Variants in CALCR observed in about 807,000 individuals in gnomAD.
The protein encoded by CALCR is calcitonin receptor.
A neutral mutation model predicts 59.5 loss-of-function variants in CALCR; 47 were observed. That is an observed-to-expected ratio of 0.79 (90% CI 0.63 to 1.01). The LOEUF is 1.01. Ranked by LOEUF, CALCR falls within the 50% of genes least tolerant of loss-of-function variation. The probability of loss-of-function intolerance (pLI) is 0.00; values close to 1 mark genes in which losing one functional copy is unlikely to be tolerated. For missense variants in CALCR, 566 were observed against 597.1 expected, an observed-to-expected ratio of 0.95 and a Z score of 0.54; for synonymous variants, 213 against 211.3, an observed-to-expected ratio of 1.01 and a Z score of -0.07.
chr7:93,432,613 C>A (rs1344982235), intron 13 of CALCR, among the ~76,000 whole-genome samples: 1 of 152,136 alleles, frequency 6.6e-6, no homozygotes, highest in African/African-American at 2.4e-5. Flanking sequence ...TGCTAGGGTA[C>A]CCCTGGGTTT....
chr7:93,437,583 A>C (rs1799806449), intron 11 of CALCR, among the ~76,000 whole-genome samples: 1 of 152,206 alleles, frequency 6.6e-6, no homozygotes, highest in Non-Finnish European at 1.5e-5. Flanking sequence ...TAGCATCCTC[A>C]GTAAGCATCT....
At chr7:93,451,930 T>G (rs980536170) in intron 8 of CALCR, among the ~76,000 whole-genome samples, 1 of 151,948 alleles carries the variant, frequency 6.6e-6, no homozygotes, top group Non-Finnish European at 1.5e-5. Context: ...CAGGAAAACA[T>G]GTATCACATG....
chr7:93,551,395 G>A (rs531981195), intron 2 of CALCR, among the ~76,000 whole-genome samples: 194 of 152,278 alleles, frequency 1.3e-3, no homozygotes, highest in African/African-American at 4.4e-3. Context: ...TTTGACAAGC[G>A]ATGTCCCTAT....
rs575652151 is a variant in CALCR at position 93,534,059 on chromosome 7, G to T, written c.-27+40230C>A. ...AATTTTGAAAATACCACTATAAAAAGAATGATCTAAAGTAGAAACATGACT... is the reference window on the plus strand; with the variant it reads ...AATTTTGAAAATACCACTATAAAAATAATGATCTAAAGTAGAAACATGACT... On this transcript the variant is annotated intron_variant, in intron 2 of 13. Transcript: ENST00000426151. 2.7e-4 allele frequency among the ~76,000 whole-genome samples: 41 copies of T among 151,746 alleles called. No homozygotes were observed. In the Middle Eastern group the frequency reaches 0.02, roughly 76 times the overall value.
Position 93,438,677 on chromosome 7 carries a change from T to G in CALCR, c.803-407A>C, listed in dbSNP as rs931761651. Among the ~76,000 whole-genome samples the G allele has an allele frequency of 2.0e-5, 3 of 152,190 alleles. No individual in the cohort carries two copies. In the East Asian group the frequency reaches 5.8e-4, roughly 29 times the overall value. ...GAGGGATGTGACCTGGGACGGTGTATGAAAGCAATAGTCTGATTGCTCCTA... is the reference window on the plus strand; with the variant it reads ...GAGGGATGTGACCTGGGACGGTGTAGGAAAGCAATAGTCTGATTGCTCCTA... On this transcript the variant is annotated intron_variant, in intron 9 of 13. Coordinates refer to ENST00000426151, the MANE Select transcript of CALCR (RefSeq NM_001742.4).
chr7:93,486,568 A>G (rs1461970001), intron 3 of CALCR, among the ~76,000 whole-genome samples: 1 of 151,574 alleles, frequency 6.6e-6, no homozygotes, highest in Admixed American at 6.6e-5. Context: ...CATTCAAATC[A>G]TAGTTTTGAA....
chr7:93,500,451 C>T (rs929990439), intron 2 of CALCR, among the ~76,000 whole-genome samples: 1 of 151,986 alleles, frequency 6.6e-6, no homozygotes, highest in African/African-American at 2.4e-5. Flanking sequence ...ACTGCAACAT[C>T]CACCAATTAG....
intron 12 of CALCR, among the ~76,000 whole-genome samples, chr7:93,435,134 C>T (rs1306026986): frequency 1.3e-5 from 2 of 152,126 alleles, no homozygotes; most frequent in African/African-American, 4.8e-5. Flanking sequence ...AGACACTGGA[C>T]AGCCCAGGAC....
chr7:93,461,392 G>C (rs1800333611), intron 7 of CALCR, among the ~76,000 whole-genome samples: 1 of 152,108 alleles, frequency 6.6e-6, no homozygotes, highest in Non-Finnish European at 1.5e-5. Flanking sequence ...CCTGTGACAA[G>C]GTACTGAATC....
At chr7:93,513,710 A>G (rs1309114180) in intron 2 of CALCR, among the ~76,000 whole-genome samples, 4 of 152,046 alleles carry the variant, frequency 2.6e-5, no homozygotes, top group African/African-American at 9.7e-5. Flanking sequence ...CCCCTCTTGC[A>G]GTGTTAATGT....
intron 2 of CALCR, among the ~76,000 whole-genome samples, chr7:93,536,675 C>T (rs1788999186): frequency 6.6e-6 from 1 of 151,820 alleles, no homozygotes; most frequent in African/African-American, 2.4e-5. Context: ...AGGTATATCT[C>T]CTAATGCTAT....
intron 8 of CALCR, 96 bp downstream of exon 8, chr7:93,460,725 A>T: frequency 1.1e-6 from 1 of 881,382 alleles, no homozygotes; most frequent in African/African-American, 1.8e-5. Context: ...TACACATGTA[A>T]ACAGCTGCTT....
chr7:93,515,839 T>C (rs1801639359), intron 2 of CALCR, among the ~76,000 whole-genome samples: 1 of 151,934 alleles, frequency 6.6e-6, no homozygotes. Flanking sequence ...GAATGCGAAG[T>C]TTTAGGTTGC....
chr7:93,548,304 C>T (rs989022680), intron 2 of CALCR, among the ~76,000 whole-genome samples: 2 of 152,100 alleles, frequency 1.3e-5, no homozygotes, highest in African/African-American at 4.8e-5. Flanking sequence ...GACTTGTTGG[C>T]AAAGCGAATG....
chr7:93,544,258 T>TA (rs1349037462), intron 2 of CALCR, among the ~76,000 whole-genome samples: 1 of 152,106 alleles, frequency 6.6e-6, no homozygotes, highest in African/African-American at 2.4e-5. Flanking sequence ...GAAGAAGGGT[T>TA]AAAAAATTAA....
rs1330192416 is a variant in CALCR at position 93,426,328 on chromosome 7, T to C, written c.*28A>G. On this transcript the variant is annotated 3_prime_UTR_variant, in exon 14 of 14. Coordinates refer to ENST00000426151, the MANE Select transcript of CALCR (RefSeq NM_001742.4). The stretch of plus-strand genomic sequence containing the variant: ...TTTCTCCCAGGAAATGATGGCTCAG[T>C]GATCACGATGCTGTGTTTGCTTCAC... 8.0e-7 allele frequency: 1 copy of C among 1,257,246 alleles called. No individual in the cohort carries two copies. The highest frequency in any genetic ancestry group is 1.7e-5 in the Admixed American group (1 of 59,362). The allele number at this position is 1,257,246 out of a possible 1,614,324, so 77.9% of individuals were successfully genotyped here. A position where few individuals can be genotyped will look rare whatever the true frequency, so the allele number is the denominator to read the frequency against.
chr7:93,560,826 G>A (rs1049945497), intron 2 of CALCR, among the ~76,000 whole-genome samples: 5 of 152,072 alleles, frequency 3.3e-5, no homozygotes, highest in Non-Finnish European at 5.9e-5. Context: ...GAAGCTTGGG[G>A]GATGCAGATA....
intron 2 of CALCR, among the ~76,000 whole-genome samples, chr7:93,502,240 T>C (rs1029171016): frequency 6.6e-6 from 1 of 152,070 alleles, no homozygotes; most frequent in Non-Finnish European, 1.5e-5. Flanking sequence ...GAAATGCAAA[T>C]AGGCATTTAA....
chr7:93,449,798 A>G (rs1800074850), intron 8 of CALCR, among the ~76,000 whole-genome samples: 1 of 152,062 alleles, frequency 6.6e-6, no homozygotes, highest in African/African-American at 2.4e-5. Context: ...GCTGACATCA[A>G]TAGAAAACTT....
Sources: allele counts gnomAD v4.1 joint callset (sites outside exome capture counted in the v4.1 genomes callset), GRCh38; gene constraint gnomAD v4.1.1; transcripts MANE v1.5; gene names NCBI Gene and HGNC (gene_info 2026-07-23, HGNC 2026-07-21).